Variants in CENPP observed in about 807,000 individuals in gnomAD.
The protein encoded by CENPP is centromere protein P.
A neutral mutation model predicts 35.6 loss-of-function variants in CENPP; 24 were observed. The ratio of observed to expected loss-of-function variants is 0.67; its 90% CI spans 0.49 to 0.95. The LOEUF (loss-of-function observed/expected upper bound fraction) is 0.95. Among genes scored for constraint, CENPP ranks in the 40% least tolerant of loss-of-function variants. CENPP has a pLI of 0.00. For missense variants in CENPP, 332 were observed against 345.3 expected, an observed-to-expected ratio of 0.96 and a Z score of 0.31; for synonymous variants, 120 against 125.5, an observed-to-expected ratio of 0.96 and a Z score of 0.29.
intron 1 of CENPP, 44 bp from the exon 2 acceptor site, chr9:92,332,126 C>A (rs139472397): frequency 7.5e-7 from 1 of 1,337,136 alleles, no homozygotes; most frequent in African/African-American, 1.5e-5. Context: ...AGATGAAACA[C>A]GTGTTAGTAA....
At chr9:92,555,251 G>A (rs1324374391) in intron 5 of CENPP, among the ~76,000 whole-genome samples, 1 of 106,198 alleles carries the variant, frequency 9.4e-6, no homozygotes, top group Non-Finnish European at 1.8e-5. Flanking sequence ...TTTTTAGATG[G>A]AGTTTCGCTC....
intron 5 of CENPP, among the ~76,000 whole-genome samples, chr9:92,595,813 C>T (rs772680201): frequency 2.4e-4 from 36 of 152,006 alleles, no homozygotes; most frequent in South Asian, 8.3e-4. Context: ...CTGCCCACCT[C>T]GGCCTCCCAA....
chr9:92,602,206 T>C (rs1158956130), intron 5 of CENPP, among the ~76,000 whole-genome samples: 2 of 152,230 alleles, frequency 1.3e-5, no homozygotes, highest in East Asian at 3.9e-4. Context: ...TTACAGCCTA[T>C]GGAATAAACA....
intron 5 of CENPP, chr9:92,393,312 A>G (rs1035590337): frequency 2.5e-6 from 3 of 1,203,772 alleles, no homozygotes; most frequent in Non-Finnish European, 3.5e-6. Context: ...TAGTAGTAAA[A>G]TTATTGCTAT....
rs755706482 is a variant in CENPP, at chr9:92,332,335, T to G, written c.273T>G (p.Thr91=). 25 of 1,585,900 alleles carry G rather than the reference T, an allele frequency of 1.6e-5. No homozygotes were observed. The African/African-American group carries it at 1.9e-4, about 12-fold the overall frequency. ...HSKQTEDLTS[T]EMTEKSIRKV... ...AGCAGACAGAAGACCTAACAAGCAC[T>G]GAGATGACAGAAAAGAGTAAGCATT... The change falls in exon 2 of 8, where the codon ACT becomes ACG. Residue 91 remains threonine (T), a synonymous_variant. Coordinates refer to ENST00000375587, the MANE Select transcript of CENPP (RefSeq NM_001012267.3).
At chr9:92,335,380 G>C (rs1401781386) in intron 2 of CENPP, among the ~76,000 whole-genome samples, 2 of 152,026 alleles carry the variant, frequency 1.3e-5, no homozygotes, top group African/African-American at 4.8e-5. Context: ...AAAATAAAGT[G>C]GTTGCTGTAG....
At position 92,345,784 on chromosome 9, in the gene CENPP, CTAGG is replaced by C. The variant is rs774496065; in HGVS notation, c.467_467+3del. 15 of 1,577,010 alleles carry C rather than the reference CTAGG, an allele frequency of 9.5e-6. No homozygotes were observed. The South Asian group carries it at 1.7e-4, about 18-fold the overall frequency. ...TGCTCAGAATTAAGTGAATTTGTGT[CTAGG>C]TAAGCTATTTTACAAACTTACTTTT... On this transcript the variant is annotated splice_donor_variant and coding_sequence_variant, in exon 4 of 8. Coordinates refer to ENST00000375587, the MANE Select transcript of CENPP (RefSeq NM_001012267.3). LOFTEE classifies it high-confidence loss of function.
chr9:92,474,619 C>T, intron 5 of CENPP: 1 of 1,603,206 alleles, frequency 6.2e-7, no homozygotes. Flanking sequence ...GACTTATATT[C>T]TTACCTAAAT....
Position 92,618,729 on chromosome 9 carries a change from A to C in CENPP, c.*5580A>C, listed in dbSNP as rs1411012841. ...CCTCAGTATTTCATATTGGAAAGTAAACAATTCTGTGCCTGCCAGGGAACA... is the reference window on the plus strand; with the variant it reads ...CCTCAGTATTTCATATTGGAAAGTACACAATTCTGTGCCTGCCAGGGAACA... On this transcript the variant is annotated 3_prime_UTR_variant, in exon 8 of 8. Transcript: ENST00000375587. 2.8e-6 allele frequency: 1 copy of C among 362,458 alleles called. No individual in the cohort carries two copies. The highest frequency in any genetic ancestry group is 5.5e-6 in the Non-Finnish European group (1 of 182,940). 22.5% of individuals were successfully genotyped at this position (362,458 alleles called of 1,614,324 possible). A position where few individuals can be genotyped will look rare whatever the true frequency, so the allele number is the denominator to read the frequency against.
At chr9:92,524,495 T>C (rs552321173) in intron 5 of CENPP, among the ~76,000 whole-genome samples, 1 of 152,330 alleles carries the variant, frequency 6.6e-6, no homozygotes, top group South Asian at 2.1e-4. Context: ...CCAATCTCTC[T>C]TGGCCTAAAG....
At chr9:92,388,308 C>T (rs1842518599) in intron 5 of CENPP, among the ~76,000 whole-genome samples, 1 of 151,660 alleles carries the variant, frequency 6.6e-6, no homozygotes, top group South Asian at 2.1e-4. Context: ...ACTACAGGCG[C>T]CCACCACCAC....
intron 5 of CENPP, among the ~76,000 whole-genome samples, chr9:92,542,758 G>A (rs1039499837): frequency 2.0e-5 from 3 of 151,968 alleles, no homozygotes; most frequent in Non-Finnish European, 4.4e-5. Context: ...GTGATCCACC[G>A]GCCTCGGCCT....
chr9:92,554,730 C>T (rs571966158), intron 5 of CENPP, among the ~76,000 whole-genome samples: 4 of 151,842 alleles, frequency 2.6e-5, no homozygotes, highest in Non-Finnish European at 4.4e-5. Flanking sequence ...CTCCGCTGCC[C>T]GGCTTCAAGC....
At chr9:92,505,752 C>T in intron 5 of CENPP, 3 of 1,383,384 alleles carry the variant, frequency 2.2e-6, no homozygotes, top group Non-Finnish European at 2.0e-6. Flanking sequence ...ATTTTTGTAG[C>T]CTTTTGAAAT....
chr9:92,555,330 G>A (rs1451176641), intron 5 of CENPP, among the ~76,000 whole-genome samples: 3 of 140,986 alleles, frequency 2.1e-5, no homozygotes, highest in African/African-American at 8.1e-5. Context: ...AGGTTCAAGC[G>A]ATTCTCCTGC....
In CENPP at chr9:92,371,103, A is replaced by G. The variant is rs113126796; in HGVS notation, c.468-8660A>G. On this transcript the variant is annotated intron_variant, in intron 4 of 7. Transcript: ENST00000375587. ...TTATTTGCTTATTTATTTTTTGACT[A>G]TCTATTTCATTTAGTTCTGCTTTGA... Among the ~76,000 whole-genome samples, 3 of 143,006 alleles carry G rather than the reference A, an allele frequency of 2.1e-5. 1 individual carries two copies. The highest frequency in any genetic ancestry group is 7.3e-5 in the African/African-American group (3 of 40,960). 93.8% of individuals were successfully genotyped at this position (143,006 alleles called of 152,430 possible).
chr9:92,466,248 GATT>G (rs1845307255), intron 5 of CENPP: 3 of 748,728 alleles, frequency 4.0e-6, no homozygotes, highest in Non-Finnish European at 6.5e-6. Flanking sequence ...TCTAGGCAAA[GATT>G]ATTCAAAAAT....
intron 5 of CENPP, among the ~76,000 whole-genome samples, chr9:92,446,584 G>T (rs1388711787): frequency 6.6e-6 from 1 of 152,136 alleles, no homozygotes; most frequent in Non-Finnish European, 1.5e-5. Flanking sequence ...AACACATTGT[G>T]TTCCTAAGGT....
At chr9:92,462,335 G>A (rs1006759136) in intron 5 of CENPP, among the ~76,000 whole-genome samples, 5 of 152,082 alleles carry the variant, frequency 3.3e-5, no homozygotes, top group African/African-American at 9.7e-5. Flanking sequence ...TAGTACCCCC[G>A]CACATGGCAG....
Sources: allele counts gnomAD v4.1 joint callset (sites outside exome capture counted in the v4.1 genomes callset), GRCh38; gene constraint gnomAD v4.1.1; transcripts MANE v1.5; gene names NCBI Gene and HGNC (gene_info 2026-07-23, HGNC 2026-07-21).